The following PLXDC2 variants were observed in gnomAD, a reference collection of about 807,000 sequenced individuals.
PLXDC2 encodes the protein plexin domain containing 2.
Under a neutral mutation model 68.9 loss-of-function variants are expected in PLXDC2, and 40 were observed. The observed-to-expected ratio is 0.58, with a 90% CI of 0.45 to 0.76. The LOEUF (loss-of-function observed/expected upper bound fraction) is 0.76, where lower values mean the gene tolerates loss of function less well. Among genes scored for constraint, PLXDC2 ranks in the 30% least tolerant of loss-of-function variants. The pLI is 0.00. For synonymous variants in PLXDC2, 243 were observed against 234.2 expected, an observed-to-expected ratio of 1.04 and a Z score of -0.34; for missense variants, 644 against 661.9, an observed-to-expected ratio of 0.97 and a Z score of 0.30.
At chr10:19,825,826 C>T (rs1226272673) in intron 1 of PLXDC2, among the ~76,000 whole-genome samples, 1 of 152,060 alleles carries the variant, frequency 6.6e-6, no homozygotes, top group Non-Finnish European at 1.5e-5. Context: ...CTGTAGCTAC[C>T]GCTGACCTAA....
chr10:19,951,603 A>C (rs1455733137), intron 1 of PLXDC2, among the ~76,000 whole-genome samples: 1 of 152,226 alleles, frequency 6.6e-6, no homozygotes, highest in Non-Finnish European at 1.5e-5. Flanking sequence ...AGATTTCTTG[A>C]ACTTAAAACA....
chr10:20,063,893 A>G (rs1271016853), intron 3 of PLXDC2, among the ~76,000 whole-genome samples: 1 of 152,216 alleles, frequency 6.6e-6, no homozygotes, highest in Non-Finnish European at 1.5e-5. Context: ...ATTTTCTACC[A>G]TATGAAGACG....
At chr10:20,042,573 A>G (rs1835701265) in intron 2 of PLXDC2, among the ~76,000 whole-genome samples, 1 of 125,264 alleles carries the variant, frequency 8.0e-6, no homozygotes, top group African/African-American at 3.0e-5. Flanking sequence ...TAGTCATACA[A>G]TATTTATTTG....
intron 2 of PLXDC2, among the ~76,000 whole-genome samples, chr10:20,019,979 T>C (rs531970357): frequency 6.6e-6 from 1 of 152,198 alleles, no homozygotes; most frequent in East Asian, 1.9e-4. Flanking sequence ...AGGGTACTTT[T>C]TAAAAAAGAA....
chr10:19,927,594 C>T (rs1319707691), intron 1 of PLXDC2, among the ~76,000 whole-genome samples: 2 of 150,846 alleles, frequency 1.3e-5, no homozygotes, highest in Non-Finnish European at 3.0e-5. Flanking sequence ...CCCAGCTACT[C>T]GGGAGGCTGA....
chr10:20,014,016 C>T (rs1428541654), intron 2 of PLXDC2, among the ~76,000 whole-genome samples: 1 of 152,078 alleles, frequency 6.6e-6, no homozygotes. Context: ...CTCATGTTAC[C>T]AATTGTACCA....
intron 6 of PLXDC2, among the ~76,000 whole-genome samples, chr10:20,157,490 C>T (rs1358264047): frequency 6.6e-6 from 1 of 152,158 alleles, no homozygotes; most frequent in African/African-American, 2.4e-5. Context: ...AATAAAATTC[C>T]ATTAACTATT....
At chr10:20,183,983 A>T (rs1217691685) in intron 9 of PLXDC2, among the ~76,000 whole-genome samples, 1 of 151,982 alleles carries the variant, frequency 6.6e-6, no homozygotes, top group Non-Finnish European at 1.5e-5. Flanking sequence ...TGCTCCTGGT[A>T]AAAACATATA....
Position 19,927,570 on chromosome 10 carries a change from C to T in PLXDC2, c.113-74205C>T, listed in dbSNP as rs558736274. On this transcript the variant is annotated intron_variant, in intron 1 of 13. Transcript: ENST00000377252. ...TACAAAAATTAGCTGGGCGTGGTGG[C>T]GCATGGCTATAGTCCCAGCTACTCG... 4.5e-3 allele frequency among the ~76,000 whole-genome samples: 682 copies of T among 151,616 alleles called. 4 individuals carry two copies. The highest frequency in any genetic ancestry group is 0.016 in the African/African-American group (659 of 41,328).
At chr10:20,087,977 G>C (rs186654601) in intron 4 of PLXDC2, among the ~76,000 whole-genome samples, 147 of 152,248 alleles carry the variant, frequency 9.7e-4, no homozygotes, top group Middle Eastern at 3.4e-3. Flanking sequence ...CGCTAATGAA[G>C]TGCATTTTAG....
rs529336216 is a variant in PLXDC2 at position 20,026,217 on chromosome 10, A to G, written c.325-20652A>G. On this transcript the variant is annotated intron_variant, in intron 2 of 13. Transcript: ENST00000377252. The stretch of plus-strand genomic sequence containing the variant: ...ACTAAACTATAAGCAGCATAAATGC[A>G]GAGACTATGGTTTTTTTTTTATATT... Among the ~76,000 whole-genome samples the G allele has an allele frequency of 3.9e-5, 6 of 152,154 alleles. No homozygotes were observed. In the South Asian group the frequency reaches 1.2e-3, roughly 32 times the overall value.
chr10:19,917,821 C>G (rs756831746), intron 1 of PLXDC2, among the ~76,000 whole-genome samples: 3 of 152,206 alleles, frequency 2.0e-5, no homozygotes, highest in Non-Finnish European at 4.4e-5. Context: ...TCTGCTTCAG[C>G]TGCCTGTGAA....
intron 6 of PLXDC2, among the ~76,000 whole-genome samples, chr10:20,155,477 A>G (rs1031157194): frequency 3.9e-5 from 6 of 152,298 alleles, no homozygotes; most frequent in African/African-American, 1.2e-4. Flanking sequence ...AATAATATAT[A>G]TGTACATATA....
At chr10:20,154,563 CAA>C (rs368499790) in intron 6 of PLXDC2, among the ~76,000 whole-genome samples, 6 of 136,244 alleles carry the variant, frequency 4.4e-5, no homozygotes, top group East Asian at 2.3e-4. Flanking sequence ...GACTCTGTCT[CAA>C]AAAAAAAAAA....
At chr10:19,884,908 G>C (rs1464904861) in intron 1 of PLXDC2, among the ~76,000 whole-genome samples, 7 of 152,188 alleles carry the variant, frequency 4.6e-5, no homozygotes, top group Non-Finnish European at 4.4e-5. Flanking sequence ...TCTAGTTCTA[G>C]ATCCCTGAGG....
intron 9 of PLXDC2, among the ~76,000 whole-genome samples, chr10:20,198,420 A>G (rs974028347): frequency 1.3e-5 from 2 of 152,134 alleles, no homozygotes; most frequent in African/African-American, 4.8e-5. Context: ...TAAATTTTGT[A>G]TATACTAATC....
intron 1 of PLXDC2, among the ~76,000 whole-genome samples, chr10:19,903,000 A>G (rs1390058010): frequency 2.6e-5 from 4 of 152,226 alleles, no homozygotes; most frequent in Non-Finnish European, 5.9e-5. Flanking sequence ...ATGTTAAACC[A>G]TCCCTGCATC....
At chr10:19,986,073 G>A (rs1383335298) in intron 1 of PLXDC2, among the ~76,000 whole-genome samples, 3 of 152,140 alleles carry the variant, frequency 2.0e-5, no homozygotes, top group African/African-American at 7.2e-5. Flanking sequence ...GGCATGATTT[G>A]ATTAAGAAGA....
intron 12 of PLXDC2, among the ~76,000 whole-genome samples, chr10:20,232,282 G>A (rs1038743914): frequency 6.6e-6 from 1 of 152,034 alleles, no homozygotes; most frequent in African/African-American, 2.4e-5. Flanking sequence ...GTGATGTTGT[G>A]CAATCACTTC....
Sources: gnomAD v4.1 joint callset for allele counts (sites outside exome capture counted in the v4.1 genomes callset) on GRCh38, gnomAD v4.1.1 for gene constraint, MANE v1.5 for transcripts, NCBI Gene and HGNC (gene_info 2026-07-23, HGNC 2026-07-21) for gene names.